Variants in CELF1 observed in about 807,000 individuals in gnomAD.
CELF1 encodes CUGBP Elav-like family member 1.
CELF1 carries 10 observed loss-of-function variants against 61.8 expected under a neutral mutation model. That is an observed-to-expected ratio of 0.16 (90% CI 0.10 to 0.27). The LOEUF (loss-of-function observed/expected upper bound fraction) is 0.27. Among genes scored for constraint, CELF1 ranks in the 10% least tolerant of loss-of-function variants. CELF1 has a pLI of 1.00. For synonymous variants in CELF1, 236 were observed against 225.1 expected (o/e 1.05, Z -0.43); for missense variants, 380 against 639.1 (o/e 0.59, Z 4.37).
At chr11:47,485,385 G>C (rs2086133312) in intron 6 of CELF1, among the ~76,000 whole-genome samples, 1 of 152,022 alleles carries the variant, frequency 6.6e-6, no homozygotes, top group African/African-American at 2.4e-5. Context: ...TGCCAAGGCT[G>C]GTCTCAAACT....
upstream of CELF1, among the ~76,000 whole-genome samples, chr11:47,557,251 C>T (rs575039763): frequency 1.0e-3 from 157 of 149,880 alleles, no homozygotes; most frequent in African/African-American, 3.5e-3. Context: ...CAGAGTCTGG[C>T]TCTGTGGCCC....
intron 1 of CELF1, among the ~76,000 whole-genome samples, chr11:47,509,167 T>A (rs1303756317): frequency 6.6e-6 from 1 of 152,194 alleles, no homozygotes; most frequent in East Asian, 1.9e-4. Context: ...AACGCTTTGG[T>A]GAGAGAGAAG....
At chr11:47,487,361 A>G in intron 4 of CELF1, 120 bp from the exon 5 acceptor site, 1 of 670,206 alleles carries the variant, frequency 1.5e-6, no homozygotes, top group South Asian at 1.8e-5. Flanking sequence ...AATTAGTGAG[A>G]GGGGGAGGGT....
At chr11:47,489,932 C>CTTTTT (rs530410346) in intron 3 of CELF1, among the ~76,000 whole-genome samples, 6 of 23,440 alleles carry the variant, frequency 2.6e-4, no homozygotes, top group East Asian at 7.7e-4. Context: ...AACATACCAT[C>CTTTTT]TTGTTTTTTT....
At chr11:47,562,860 A>C (rs891096826) in intron 2 of CELF1, among the ~76,000 whole-genome samples, 2 of 151,866 alleles carry the variant, frequency 1.3e-5, no homozygotes, top group African/African-American at 4.8e-5. Context: ...GCCCACTATT[A>C]TACCTGGCTA....
chr11:47,503,003 C>T lies in CELF1; in HGVS notation c.-153-2071G>A, dbSNP rs762695165. On this transcript the variant is annotated intron_variant, in intron 1 of 14. Transcript: ENST00000687097. ...ACTCTGAATGTACTTTCATGGTTTC[C>T]TCTTCTCTCCCTGGTTGTCCGTCTG... 1.7e-3 allele frequency among the ~76,000 whole-genome samples: 259 copies of T among 152,176 alleles called. 1 individual carries two copies. Among genetic ancestry groups the T allele is most frequent in the Non-Finnish European group, 2.8e-3 (191 of 68,032 alleles).
At chr11:47,505,936 CAAAA>C (rs71457222) in intron 1 of CELF1, among the ~76,000 whole-genome samples, 1 of 103,352 alleles carries the variant, frequency 9.7e-6, no homozygotes, top group Non-Finnish European at 1.9e-5. Flanking sequence ...ACTCTGTCTC[CAAAA>C]AAAAAAAAAA....
At chr11:47,510,695 C>T (rs566254257) in intron 1 of CELF1, among the ~76,000 whole-genome samples, 1 of 152,188 alleles carries the variant, frequency 6.6e-6, no homozygotes. Context: ...CCATGTTGCC[C>T]AGGCTGGTCT....
At chr11:47,547,212 T>C (rs2096985068) in intron 1 of CELF1, among the ~76,000 whole-genome samples, 1 of 152,108 alleles carries the variant, frequency 6.6e-6, no homozygotes, top group South Asian at 2.1e-4. Flanking sequence ...TGCTGACATA[T>C]TTGTATTTTC....
Position 47,473,105 on chromosome 11 carries a change from T to C in CELF1, c.1400A>G (p.Asn467Ser). The C allele has an allele frequency of 6.2e-7, 1 of 1,614,080 alleles. No individual in the cohort carries two copies. Among genetic ancestry groups the C allele is most frequent in the Non-Finnish European group, 8.5e-7 (1 of 1,179,986 alleles). Residue 467 changes from asparagine to serine, a missense_variant, in exon 14 of 15, where the codon AAC (asparagine) becomes AGC (serine). Transcript: ENST00000687097. Reference protein sequence around the residue: ...SAKVFIDKQTNLSKCFGFVSY... With the variant: ...SAKVFIDKQTSLSKCFGFVSY... Reference sequence around the variant, plus strand: ...CAACATACCAAAACACTTGCTCAGGTTTGTCTGCTTGTCTATGAAAACCTT... The same window carrying C: ...CAACATACCAAAACACTTGCTCAGGCTTGTCTGCTTGTCTATGAAAACCTT...
intron 1 of CELF1, among the ~76,000 whole-genome samples, chr11:47,539,245 T>C (rs2096714255): frequency 6.6e-6 from 1 of 152,182 alleles, no homozygotes. Context: ...AATAAACTCA[T>C]AATCTTGATC....
At chr11:47,541,222 TCA>T (rs1475000320) in intron 1 of CELF1, among the ~76,000 whole-genome samples, 1 of 152,210 alleles carries the variant, frequency 6.6e-6, no homozygotes, top group Non-Finnish European at 1.5e-5. Flanking sequence ...GACAATCTAC[TCA>T]CAGTAGACTA....
intron 12 of CELF1, among the ~76,000 whole-genome samples, chr11:47,476,274 G>A (rs2080100037): frequency 6.6e-6 from 1 of 152,194 alleles, no homozygotes; most frequent in Non-Finnish European, 1.5e-5. Flanking sequence ...CTATAGGTAT[G>A]AGCCACTGTA....
intron 1 of CELF1, among the ~76,000 whole-genome samples, chr11:47,549,681 G>C (rs2097084473): frequency 6.6e-6 from 1 of 152,140 alleles, no homozygotes. Flanking sequence ...GGGAAAAGGG[G>C]AGCTGTTGTC....
At chr11:47,531,823 C>T (rs2096486111) in intron 1 of CELF1, among the ~76,000 whole-genome samples, 1 of 152,114 alleles carries the variant, frequency 6.6e-6, no homozygotes, top group South Asian at 2.1e-4. Flanking sequence ...CTCAATATAG[C>T]ATTTATCATC....
At position 47,488,904 on chromosome 11, in the gene CELF1, T is replaced by C; in HGVS notation, c.192A>G (p.Glu64=). 6.2e-7 allele frequency: 1 copy of C among 1,613,208 alleles called. No individual in the cohort carries two copies. The highest frequency in any genetic ancestry group is 8.5e-7 in the Non-Finnish European group (1 of 1,179,726). ...WSEKDLRELF[E]QYGAVYEINV... ...TGATTTCATACACAGCACCATACTG[T>C]TCGAAGAGTTCCCGCAAGTCCTTTT... Residue 64 remains glutamate, a synonymous_variant, in exon 4 of 15, where the codon GAA becomes GAG. Transcript: ENST00000687097.
intron 3 of CELF1, among the ~76,000 whole-genome samples, chr11:47,491,808 G>A (rs2091581074): frequency 6.6e-6 from 1 of 152,186 alleles, no homozygotes; most frequent in African/African-American, 2.4e-5. Context: ...ACTGGGTATA[G>A]TATCCGGTTC....
chr11:47,542,908 G>A (rs1390447604), intron 1 of CELF1, among the ~76,000 whole-genome samples: 1 of 152,142 alleles, frequency 6.6e-6, no homozygotes, highest in Admixed American at 6.5e-5. Context: ...CAAGGCAGGA[G>A]GATCACTTGA....
intron 9 of CELF1, 96 bp from the exon 10 acceptor site, chr11:47,479,048 G>T: frequency 1.1e-6 from 1 of 945,540 alleles, no homozygotes. Flanking sequence ...GAGTGCAGAG[G>T]CCCCCAGAGA....
Sources: allele counts gnomAD v4.1 joint callset (sites outside exome capture counted in the v4.1 genomes callset), GRCh38; gene constraint gnomAD v4.1.1; transcripts MANE v1.5; gene names NCBI Gene and HGNC (gene_info 2026-07-23, HGNC 2026-07-21).